The following RYR3 variants were observed in gnomAD, a reference collection of about 807,000 sequenced individuals.
RYR3 encodes the protein ryanodine receptor 3.
Under a neutral mutation model 584.3 loss-of-function variants are expected in RYR3, and 207 were observed. The ratio of observed to expected loss-of-function variants is 0.35; its 90% confidence interval spans 0.32 to 0.40. The LOEUF is 0.40. Among genes scored for constraint, RYR3 ranks in the 10% least tolerant of loss-of-function variants. The pLI, the probability that RYR3 is intolerant of heterozygous loss-of-function variation, is 1.00. For missense variants in RYR3, 5,616 were observed against 6,089.2 expected, an observed-to-expected ratio of 0.92 and a Z score of 2.59; for synonymous variants, 2,416 against 2,248.5, an observed-to-expected ratio of 1.07 and a Z score of -2.11.
intron 16 of RYR3, among the ~76,000 whole-genome samples, chr15:33,586,706 A>G (rs2058865212): frequency 6.6e-6 from 1 of 152,258 alleles, no homozygotes; most frequent in Middle Eastern, 3.4e-3. Flanking sequence ...AGGGCATCTC[A>G]CTAAGTGGAA....
intron 3 of RYR3, 112 bp from the exon 4 acceptor site, chr15:33,530,480 C>T: frequency 1.4e-6 from 1 of 736,598 alleles, no homozygotes; most frequent in Non-Finnish European, 2.4e-6. Flanking sequence ...TCCTTAGGAG[C>T]TTTGCAATGG....
chr15:33,667,067 C>T (rs1874277), intron 36 of RYR3, among the ~76,000 whole-genome samples: 134,564 of 152,274 alleles, frequency 0.88, 60,269 homozygotes, highest in Non-Finnish European at 0.95. Flanking sequence ...CCAACCTGTT[C>T]TGTGGATATT....
At chr15:33,553,785 C>T (rs2056863871) in intron 10 of RYR3, among the ~76,000 whole-genome samples, 1 of 152,108 alleles carries the variant, frequency 6.6e-6, no homozygotes, top group Admixed American at 6.5e-5. Flanking sequence ...CTAGATCGGG[C>T]CTTGATTCTC....
intron 85 of RYR3, among the ~76,000 whole-genome samples, chr15:33,827,989 T>C (rs900601571): frequency 3.9e-5 from 6 of 152,220 alleles, no homozygotes. Context: ...CGAAGGTTTG[T>C]GGTAACCCTG....
chr15:33,428,667 G>C (rs150326683), intron 1 of RYR3, among the ~76,000 whole-genome samples: 1 of 152,132 alleles, frequency 6.6e-6, no homozygotes, highest in Non-Finnish European at 1.5e-5. Flanking sequence ...TTCAATCTAA[G>C]ATTACTTGAT....
chr15:33,398,807 G>T (rs56126978), intron 1 of RYR3, among the ~76,000 whole-genome samples: 6,746 of 152,268 alleles, frequency 0.044, 221 homozygotes, highest in Non-Finnish European at 0.06. Context: ...TGGCTCTGAG[G>T]AGAGCGAGGC....
At chr15:33,467,395 G>A (rs187363546) in intron 1 of RYR3, 227 of 679,390 alleles carry the variant, frequency 3.3e-4, no homozygotes, top group Non-Finnish European at 4.0e-4. Flanking sequence ...CAGGTGACCC[G>A]TAGAGAAGCG....
intron 81 of RYR3, among the ~76,000 whole-genome samples, chr15:33,824,510 C>T (rs1006906862): frequency 7.2e-5 from 11 of 152,160 alleles, no homozygotes; most frequent in Admixed American, 2.0e-4. Flanking sequence ...CCTCCCCTGA[C>T]GGCTAAACCA....
At chr15:33,807,475 T>C in intron 69 of RYR3, 80 bp from the exon 70 acceptor site, 1 of 1,348,062 alleles carries the variant, frequency 7.4e-7, no homozygotes, top group Non-Finnish European at 1.0e-6. Context: ...ATAACTAACA[T>C]ATGGTGCCTT....
chr15:33,844,998 G>C lies in RYR3; in HGVS notation c.13433G>C (p.Arg4478Pro), dbSNP rs770380711. 6.2e-7 allele frequency: 1 copy of C among 1,613,842 alleles called. No individual in the cohort carries two copies. The highest frequency in any genetic ancestry group is 8.5e-7 in the Non-Finnish European group (1 of 1,179,898). Residue 4478 changes from arginine to proline, a missense_variant, in exon 93 of 104, where the codon CGT becomes CCT. Arg to Pro is a moderately radical substitution (Grantham distance 103). Transcript: ENST00000634891. The stretch of plus-strand genomic sequence containing the variant: ...ACCGGGTATATGGCACCAACCCTGC[G>C]TGCCCTGGCCATCATCCATACCATC... ...ESTGYMAPTL[R>P]ALAIIHTIIS...
intron 1 of RYR3, among the ~76,000 whole-genome samples, chr15:33,357,631 T>C (rs1254630503): frequency 6.6e-6 from 1 of 152,246 alleles, no homozygotes; most frequent in Non-Finnish European, 1.5e-5. Flanking sequence ...ATTTAGAGTT[T>C]GATTGCTCTG....
intron 1 of RYR3, among the ~76,000 whole-genome samples, chr15:33,439,587 G>T (rs573910498): frequency 6.6e-6 from 1 of 152,096 alleles, no homozygotes; most frequent in Non-Finnish European, 1.5e-5. Context: ...ATTAGTTATG[G>T]AGTATTTCCT....
Position 33,823,028 on chromosome 15 carries a change from T to C in RYR3, c.11028T>C (p.Asp3676=). Residue 3676 remains aspartate, a synonymous_variant, in exon 81 of 104, where the codon GAT becomes GAC. Transcript: ENST00000634891. Reference sequence around the variant, plus strand: ...TAGATTACCTAAAGGAGAAAAAGGATGCTGGATTCTTTCAAAGCCTTTCTG... The same window carrying C: ...TAGATTACCTAAAGGAGAAAAAGGACGCTGGATTCTTTCAAAGCCTTTCTG... ...KMLDYLKEKK[D]AGFFQSLSGL... The C allele has an allele frequency of 4.3e-6, 7 of 1,613,670 alleles. No homozygotes were observed. Among genetic ancestry groups the C allele is most frequent in the Middle Eastern group, 1.7e-4 (1 of 6,058 alleles).
Position 33,755,464 on chromosome 15 carries a change from C to CA in RYR3, c.8515+292dup, listed in dbSNP as rs532524693. On this transcript the variant is annotated intron_variant, in intron 58 of 103. Coordinates refer to ENST00000634891, the MANE Select transcript of RYR3 (RefSeq NM_001036.6). Reference sequence around the variant, plus strand: ...TGAAATCCCATCTCTGCTAAAAATACAAAAAAAATTAGCTGAGTGTGGTGG... The same window carrying CA: ...TGAAATCCCATCTCTGCTAAAAATACAAAAAAAAATTAGCTGAGTGTGGTGG... Among the ~76,000 whole-genome samples, 722 of 151,828 alleles carry CA rather than the reference C, an allele frequency of 4.8e-3. 2 individuals carry two copies. Among genetic ancestry groups the CA allele is most frequent in the Non-Finnish European group, 7.2e-3 (491 of 67,902 alleles).
At chr15:33,469,113 A>G (rs1370956994) in intron 1 of RYR3, among the ~76,000 whole-genome samples, 3 of 152,190 alleles carry the variant, frequency 2.0e-5, no homozygotes. Context: ...TGCAAAAAGT[A>G]TGGTGATATT....
rs761567255 is a variant in RYR3, at chr15:33,586,061, A to G, written c.1733A>G (p.Glu578Gly). Residue 578 changes from glutamate to glycine, a missense_variant, in exon 16 of 104, where the codon GAG becomes GGG. Glu to Gly is a moderately conservative substitution (Grantham distance 98, BLOSUM62 -2). Around this residue, in one of 9 missense-constraint regions of RYR3, gnomAD observed 1,284 missense variants for 1,344.6 expected, o/e 0.95. Coordinates refer to ENST00000634891, the MANE Select transcript of RYR3 (RefSeq NM_001036.6). Reference protein sequence around the residue: ...ESPEALNLIAEGHIKSIISLL... With the variant: ...ESPEALNLIAGGHIKSIISLL... ...CCAGAAGCCTTAAATCTGATAGCGG[A>G]GGGCCACATCAAGTCGATCATCTCC... 3.7e-5 allele frequency: 59 copies of G among 1,613,566 alleles called. No homozygotes were observed. Among genetic ancestry groups the G allele is most frequent in the Non-Finnish European group, 4.9e-5 (58 of 1,179,662 alleles).
chr15:33,861,492 T>TA (rs1888198303), intron 102 of RYR3, among the ~76,000 whole-genome samples: 1 of 151,762 alleles, frequency 6.6e-6, no homozygotes, highest in South Asian at 2.1e-4. Flanking sequence ...TTTTTTTTTT[T>TA]AATCCTAAAC....
At chr15:33,729,286 A>G (rs1346291789) in intron 47 of RYR3, among the ~76,000 whole-genome samples, 13 of 152,124 alleles carry the variant, frequency 8.5e-5, no homozygotes, top group Non-Finnish European at 1.5e-4. Flanking sequence ...TTAAGGGGCT[A>G]TCCTGTGCAT....
intron 2 of RYR3, among the ~76,000 whole-genome samples, chr15:33,479,321 C>T (rs145822884): frequency 2.0e-5 from 3 of 152,088 alleles, no homozygotes; most frequent in African/African-American, 4.8e-5. Context: ...CAGAGACAGA[C>T]TCATCCTAAG....
Sources: allele counts gnomAD v4.1 joint callset (sites outside exome capture counted in the v4.1 genomes callset), GRCh38; gene constraint gnomAD v4.1.1; regional missense constraint gnomAD v4.1.1; transcripts MANE v1.5; gene names NCBI Gene and HGNC (gene_info 2026-07-23, HGNC 2026-07-21).